The following CCDC60 variants were observed in gnomAD, a reference collection of about 807,000 sequenced individuals.
The protein encoded by CCDC60 is coiled-coil domain-containing protein 60.
A neutral mutation model predicts 63.5 loss-of-function variants in CCDC60; 54 were observed. The ratio of observed to expected loss-of-function variants is 0.85; its 90% CI spans 0.68 to 1.07. The LOEUF (loss-of-function observed/expected upper bound fraction) is 1.07, where lower values mean the gene tolerates loss of function less well. Among genes scored for constraint, CCDC60 ranks in the 50% least tolerant of loss-of-function variants. CCDC60 has a pLI of 0.00. For synonymous variants in CCDC60, 206 were observed against 238.8 expected (o/e 0.86, Z 1.27); for missense variants, 651 against 684.3 (o/e 0.95, Z 0.54).
intron 1 of CCDC60, among the ~76,000 whole-genome samples, chr12:119,396,681 A>G (rs573276883): frequency 6.6e-6 from 1 of 152,266 alleles, no homozygotes; most frequent in South Asian, 2.1e-4. Flanking sequence ...AGAGTTCAAG[A>G]CCAGCCTAGA....
intron 13 of CCDC60, among the ~76,000 whole-genome samples, chr12:119,533,216 C>A (rs1952907114): frequency 6.6e-6 from 1 of 152,126 alleles, no homozygotes; most frequent in Non-Finnish European, 1.5e-5. Flanking sequence ...TAAATGTCTT[C>A]TTTTGAGAAG....
chr12:119,532,688 T>C (rs889447558), intron 13 of CCDC60, among the ~76,000 whole-genome samples: 1 of 152,092 alleles, frequency 6.6e-6, no homozygotes, highest in Non-Finnish European at 1.5e-5. Flanking sequence ...TGTTCCTGTG[T>C]TAATTTGCTG....
At chr12:119,385,620 C>T (rs1299406652) in intron 1 of CCDC60, among the ~76,000 whole-genome samples, 1 of 152,178 alleles carries the variant, frequency 6.6e-6, no homozygotes, top group African/African-American at 2.4e-5. Flanking sequence ...AAATAAATTA[C>T]CTAGTTTCAG....
Position 119,500,148 on chromosome 12 carries a change from C to T in CCDC60, c.628C>T (p.His210Tyr). The T allele has an allele frequency of 6.2e-7, 1 of 1,609,764 alleles. No individual in the cohort carries two copies. The highest frequency in any genetic ancestry group is 8.5e-7 in the Non-Finnish European group (1 of 1,178,000). ...CAAGTCCATGGGACAGAAATGGGAG[C>T]ATTTCATCACAGCGCCAAAGGTAAC... Reference protein sequence around the residue: ...KDKSMGQKWEHFITAPKTKKF... With the variant: ...KDKSMGQKWEYFITAPKTKKF... Residue 210 changes from histidine to tyrosine, a missense_variant, in exon 6 of 14, where the codon CAT becomes TAT. By Grantham distance (83) the His-to-Tyr change is moderately conservative. Coordinates refer to ENST00000327554, the MANE Select transcript of CCDC60 (RefSeq NM_178499.5).
intron 5 of CCDC60, among the ~76,000 whole-genome samples, chr12:119,498,348 T>C (rs1319750540): frequency 6.6e-6 from 1 of 152,148 alleles, no homozygotes; most frequent in Non-Finnish European, 1.5e-5. Flanking sequence ...TTTTCTTTTT[T>C]TGAGACGGAG....
At chr12:119,460,768 A>G (rs1950842262) in intron 2 of CCDC60, among the ~76,000 whole-genome samples, 1 of 152,242 alleles carries the variant, frequency 6.6e-6, no homozygotes, top group Non-Finnish European at 1.5e-5. Context: ...AATTCTGGAC[A>G]CTGAGAAAAT....
In CCDC60 at chr12:119,492,927, A is replaced by G. The variant is rs944578763; in HGVS notation, c.557+4061A>G. Among the ~76,000 whole-genome samples, 4 of 152,234 alleles carry G rather than the reference A, an allele frequency of 2.6e-5. No individual in the cohort carries two copies. In the East Asian group the frequency reaches 7.7e-4, roughly 29 times the overall value. ...ATCAGTACCATTGAGACTGAAGGCT[A>G]GGAAAGAAAGGAACTTCTGAGCAGA... On this transcript the variant is annotated intron_variant, in intron 5 of 13. Coordinates refer to ENST00000327554, the MANE Select transcript of CCDC60 (RefSeq NM_178499.5).
chr12:119,360,136 G>A (rs1432506878), intron 1 of CCDC60, among the ~76,000 whole-genome samples: 140 of 148,880 alleles, frequency 9.4e-4, no homozygotes, highest in African/African-American at 3.0e-3. Flanking sequence ...CTCACCTCCC[G>A]GACGGGGCGG....
At chr12:119,401,072 A>G (rs1956383836) in intron 1 of CCDC60, among the ~76,000 whole-genome samples, 1 of 152,218 alleles carries the variant, frequency 6.6e-6, no homozygotes, top group African/African-American at 2.4e-5. Context: ...ATGTGTAAGC[A>G]ACAGTGAGTG....
At position 119,453,614 on chromosome 12, in the gene CCDC60, C is replaced by G. The variant is rs140337136; in HGVS notation, c.171-18380C>G. 2.9e-3 allele frequency among the ~76,000 whole-genome samples: 443 copies of G among 152,302 alleles called. 5 individuals are homozygous for G. Among genetic ancestry groups the G allele is most frequent in the African/African-American group, 0.01 (419 of 41,564 alleles). Reference sequence around the variant, plus strand: ...CTAATTAGACTGTTCTTCCCATCACCCCCAGAGAAGAGAACCTCCTAGGCT... The same window carrying G: ...CTAATTAGACTGTTCTTCCCATCACGCCCAGAGAAGAGAACCTCCTAGGCT... On this transcript the variant is annotated intron_variant, in intron 2 of 13. Transcript: ENST00000327554.
At chr12:119,459,233 A>G (rs764642076) in intron 2 of CCDC60, among the ~76,000 whole-genome samples, 8 of 152,170 alleles carry the variant, frequency 5.3e-5, no homozygotes, top group Non-Finnish European at 1.2e-4. Context: ...TCAAACTTCA[A>G]TGTGTACATG....
chr12:119,493,315 T>A (rs1253731592), intron 5 of CCDC60, among the ~76,000 whole-genome samples: 1 of 152,100 alleles, frequency 6.6e-6, no homozygotes, highest in African/African-American at 2.4e-5. Context: ...ATGGATTTTA[T>A]AGGAAGAAAG....
rs76636302 is a variant in CCDC60, at chr12:119,427,116, C to A, written c.91-1567C>A. ...TCACTTTGCTGTTTACTTTTTAAAT[C>A]TTTTCTCTTTCATTATGTAACTAAT... is the stretch of plus-strand genomic sequence containing the variant. On this transcript the variant is annotated intron_variant, in intron 1 of 13. Transcript: ENST00000327554. 9.2e-3 allele frequency among the ~76,000 whole-genome samples: 1,348 copies of A among 147,030 alleles called. 22 individuals carry two copies. Among genetic ancestry groups the A allele is most frequent in the African/African-American group, 0.032 (1,265 of 39,666 alleles).
At chr12:119,368,586 A>G (rs1955866955) in intron 1 of CCDC60, among the ~76,000 whole-genome samples, 1 of 152,080 alleles carries the variant, frequency 6.6e-6, no homozygotes, top group Admixed American at 6.5e-5. Context: ...ATTTGCAACC[A>G]TGGGGGAAAC....
At chr12:119,348,827 G>A (rs1399191838) in intron 1 of CCDC60, among the ~76,000 whole-genome samples, 5 of 152,138 alleles carry the variant, frequency 3.3e-5, no homozygotes, top group Admixed American at 2.0e-4. Context: ...TCTCAAGGTC[G>A]TCCTGGAGGT....
At chr12:119,509,441 A>C (rs708880) in intron 7 of CCDC60, among the ~76,000 whole-genome samples, 70,053 of 151,794 alleles carry the variant, frequency 0.46, 16,784 homozygotes, top group African/African-American at 0.6. Flanking sequence ...CCCATCTCTA[A>C]AGATAAAATA....
chr12:119,336,191 A>G (rs915147378), intron 1 of CCDC60, among the ~76,000 whole-genome samples: 1 of 151,858 alleles, frequency 6.6e-6, no homozygotes, highest in African/African-American at 2.4e-5. Context: ...ACATGTATAC[A>G]TATGTAACTA....
At chr12:119,430,582 G>A (rs1266899078) in intron 2 of CCDC60, among the ~76,000 whole-genome samples, 2 of 150,034 alleles carry the variant, frequency 1.3e-5, no homozygotes, top group Non-Finnish European at 2.9e-5. Flanking sequence ...CAGGAGAATA[G>A]TGTGAACCCA....
chr12:119,375,692 T>C (rs1033285660), intron 1 of CCDC60, among the ~76,000 whole-genome samples: 13 of 152,268 alleles, frequency 8.5e-5, no homozygotes, highest in African/African-American at 3.1e-4. Context: ...CTGCTCCCTG[T>C]ATATGACAAA....
Sources: allele counts gnomAD v4.1 joint callset (sites outside exome capture counted in the v4.1 genomes callset), GRCh38; gene constraint gnomAD v4.1.1; transcripts MANE v1.5; gene names NCBI Gene and HGNC (gene_info 2026-07-23, HGNC 2026-07-21).